Variants in POLQ observed in about 807,000 individuals in gnomAD.
POLQ encodes epididymis secretory sperm binding protein.
Under a neutral mutation model 259.2 loss-of-function variants are expected in POLQ, and 233 were observed. That is an observed-to-expected ratio of 0.90 (90% CI 0.81 to 1.00). POLQ has a LOEUF of 1.00. Among genes scored for constraint, POLQ ranks in the 50% least tolerant of loss-of-function variants. The pLI is 0.00. For synonymous variants in POLQ, 1,025 were observed against 1,048.8 expected, an observed-to-expected ratio of 0.98 and a Z score of 0.44; for missense variants, 2,871 against 3,051.6, an observed-to-expected ratio of 0.94 and a Z score of 1.39.
intron 25 of POLQ, among the ~76,000 whole-genome samples, chr3:121,455,471 T>G (rs531873346): frequency 6.7e-6 from 1 of 149,670 alleles, no homozygotes; most frequent in African/African-American, 2.5e-5. Context: ...ATCAACAAAA[T>G]TGATAGACTG....
chr3:121,531,701 G>A (rs1388879120), intron 6 of POLQ, among the ~76,000 whole-genome samples: 1 of 152,194 alleles, frequency 6.6e-6, no homozygotes, highest in East Asian at 1.9e-4. Flanking sequence ...AATAATCCAG[G>A]TAAGAAATAT....
At chr3:121,472,379 T>C (rs1437968537) in intron 21 of POLQ, among the ~76,000 whole-genome samples, 1 of 152,226 alleles carries the variant, frequency 6.6e-6, no homozygotes, top group African/African-American at 2.4e-5. Flanking sequence ...AGTATCAATT[T>C]AAAACTACCT....
At chr3:121,441,749 G>C (rs1056227171) in intron 26 of POLQ, among the ~76,000 whole-genome samples, 1 of 152,116 alleles carries the variant, frequency 6.6e-6, no homozygotes, top group African/African-American at 2.4e-5. Context: ...GCACAAATAC[G>C]ATAGTAGAAT....
At chr3:121,434,843 T>C (rs2047529450) in intron 28 of POLQ, among the ~76,000 whole-genome samples, 1 of 152,102 alleles carries the variant, frequency 6.6e-6, no homozygotes, top group South Asian at 2.1e-4. Context: ...CTTAATTTCT[T>C]CCCAGGAAAA....
Position 121,474,288 on chromosome 3 carries a change from A to G in POLQ, c.6406-801T>C, listed in dbSNP as rs531266449. 5.9e-5 allele frequency among the ~76,000 whole-genome samples: 9 copies of G among 152,300 alleles called. No homozygotes were observed. In the South Asian group the frequency reaches 1.7e-3, roughly 28 times the overall value. On this transcript the variant is annotated intron_variant, in intron 20 of 29. Transcript: ENST00000264233. ...ACAATGCTGGGCCCTGATAGTCCCT[A>G]GGCACAAAAAGTTAGGAGAAGGTGG...
At chr3:121,529,585 A>T in intron 7 of POLQ, 60 bp downstream of exon 7, 1 of 1,491,298 alleles carries the variant, frequency 6.7e-7, no homozygotes, top group Non-Finnish European at 9.3e-7. Context: ...TATAATCACT[A>T]CCATTACTTT....
At chr3:121,528,302 G>C (rs2048386925) in intron 7 of POLQ, among the ~76,000 whole-genome samples, 1 of 21,316 alleles carries the variant, frequency 4.7e-5, no homozygotes, top group Non-Finnish European at 1.1e-4. Context: ...TTGTATTTAG[G>C]AGAGATGGGG....
chr3:121,519,359 G>GATAGAT (rs1553820118), intron 9 of POLQ, among the ~76,000 whole-genome samples: 3 of 136,698 alleles, frequency 2.2e-5, no homozygotes, highest in Non-Finnish European at 4.7e-5. Flanking sequence ...AACAGTTGAT[G>GATAGAT]ATATATATAT....
chr3:121,537,475 T>A (rs904019942), intron 4 of POLQ, among the ~76,000 whole-genome samples: 1 of 152,184 alleles, frequency 6.6e-6, no homozygotes, highest in African/African-American at 2.4e-5. Flanking sequence ...TAGTCCCCAG[T>A]TTCTGTTGTC....
At position 121,472,052 on chromosome 3, in the gene POLQ, C is replaced by T. The variant is rs202009405; in HGVS notation, c.6656G>A (p.Cys2219Tyr). The change falls in exon 22 of 30, where the codon TGT becomes TAT. Residue 2219 changes from cysteine to tyrosine, a missense_variant. This residue lies in a region of POLQ where 2,080 missense variants were observed against 2,126.0 expected (regional missense o/e 0.98). Coordinates refer to ENST00000264233, the MANE Select transcript of POLQ (RefSeq NM_199420.4). ...KVVFPLQREK[C>Y]LNPFLGMERI... ...TTCCATTCCAAGAAAAGGATTAAGA[C>T]ACTTTTCCCGCTGAAGGGGAAAGAC... is the stretch of plus-strand genomic sequence containing the variant. The T allele has an allele frequency of 3.5e-5, 55 of 1,589,036 alleles. No homozygotes were observed. In the East Asian group the frequency reaches 1.1e-3, roughly 32 times the overall value.
At chr3:121,454,514 C>T (rs1448129588) in intron 25 of POLQ, among the ~76,000 whole-genome samples, 1 of 151,862 alleles carries the variant, frequency 6.6e-6, no homozygotes, top group East Asian at 1.9e-4. Flanking sequence ...CACACATAGG[C>T]TCAAAATAAA....
At chr3:121,543,817 T>A (rs1245889391) in intron 2 of POLQ, among the ~76,000 whole-genome samples, 2 of 151,978 alleles carry the variant, frequency 1.3e-5, no homozygotes, top group East Asian at 3.9e-4. Flanking sequence ...ACCCCGTCTC[T>A]ACTAAAAATA....
intron 4 of POLQ, among the ~76,000 whole-genome samples, chr3:121,538,521 C>A (rs995949360): frequency 1.4e-5 from 2 of 147,968 alleles, no homozygotes; most frequent in Non-Finnish European, 3.0e-5. Flanking sequence ...TTTTTCCTAT[C>A]AATAAGCTGT....
At chr3:121,445,119 T>A (rs2047622205) in intron 26 of POLQ, among the ~76,000 whole-genome samples, 1 of 152,220 alleles carries the variant, frequency 6.6e-6, no homozygotes, top group Non-Finnish European at 1.5e-5. Context: ...AATACTGGCC[T>A]CACAGAATGA....
At chr3:121,513,780 T>C (rs2048273556) in intron 9 of POLQ, among the ~76,000 whole-genome samples, 1 of 151,850 alleles carries the variant, frequency 6.6e-6, no homozygotes, top group Admixed American at 6.6e-5. Flanking sequence ...TCCCAGCATT[T>C]TGGGAGGCCA....
At chr3:121,461,245 T>C (rs1294770149) in intron 24 of POLQ, among the ~76,000 whole-genome samples, 2 of 152,098 alleles carry the variant, frequency 1.3e-5, no homozygotes, top group African/African-American at 4.8e-5. Flanking sequence ...ATTAAACAGG[T>C]TTTTACTCTA....
Position 121,487,796 on chromosome 3 carries a change from G to A in POLQ, c.5135C>T (p.Ala1712Val), listed in dbSNP as rs1372988367. 1.2e-6 allele frequency: 2 copies of A among 1,609,564 alleles called. No individual in the cohort carries two copies. Among genetic ancestry groups the A allele is most frequent in the East Asian group, 2.2e-5 (1 of 44,848 alleles). The part of the protein sequence containing the change: ...KSKIEMLENN[A>V]NHDETSSLLP... ...GAGGGATGAGGTTTCATCATGATTG[G>A]CATTGTTTTCTAGCATCTCAATCTT... Residue 1712 changes from alanine to valine, a missense_variant, in exon 16 of 30, where the codon GCC becomes GTC. Coordinates refer to ENST00000264233, the MANE Select transcript of POLQ (RefSeq NM_199420.4).
rs80158621 is a variant in POLQ, at chr3:121,487,828, T to C, written c.5103A>G (p.Val1701=). 2.0e-5 allele frequency: 33 copies of C among 1,609,776 alleles called. No homozygotes were observed. In the East Asian group the frequency reaches 6.5e-4, roughly 32 times the overall value. Residue 1701 remains valine, a synonymous_variant, in exon 16 of 30, where the codon GTA becomes GTG. Coordinates refer to ENST00000264233, the MANE Select transcript of POLQ (RefSeq NM_199420.4). ...QGISFSSNNE[V]KSKIEMLENN... The stretch of plus-strand genomic sequence containing the variant: ...TTTCTAGCATCTCAATCTTGCTTTT[T>C]ACTTCATTATTAGAAGAAAATGAAA...
chr3:121,499,606 A>G (rs778959646), intron 12 of POLQ, among the ~76,000 whole-genome samples: 2 of 152,174 alleles, frequency 1.3e-5, no homozygotes, highest in Non-Finnish European at 2.9e-5. Flanking sequence ...TTCTAACTGT[A>G]GGTACAATCT....
Sources: allele counts gnomAD v4.1 joint callset (sites outside exome capture counted in the v4.1 genomes callset), GRCh38; gene constraint gnomAD v4.1.1; regional missense constraint gnomAD v4.1.1; transcripts MANE v1.5; gene names NCBI Gene and HGNC (gene_info 2026-07-23, HGNC 2026-07-21).